Variants in HIVEP3 observed in about 807,000 individuals in gnomAD.
HIVEP3 encodes the protein transcription factor HIVEP3.
Under a neutral mutation model 152.8 loss-of-function variants are expected in HIVEP3, and 49 were observed. That is an observed-to-expected ratio of 0.32 (90% CI 0.26 to 0.41). HIVEP3 has a LOEUF of 0.41. Ranked by LOEUF, HIVEP3 falls within the 10% of genes least tolerant of loss-of-function variation. The pLI is 1.00. For synonymous variants in HIVEP3, 1,269 were observed against 1,289.0 expected (o/e 0.98, Z 0.33); for missense variants, 2,790 against 3,103.3 (o/e 0.90, Z 2.40).
chr1:41,722,147 C>T (rs1646682857), intron 1 of HIVEP3, among the ~76,000 whole-genome samples: 1 of 152,202 alleles, frequency 6.6e-6, no homozygotes, highest in African/African-American at 2.4e-5. Context: ...CTCATGCAAG[C>T]TCCTGGAACT....
At chr1:41,989,174 G>A (rs897350079) in intron 1 of HIVEP3, among the ~76,000 whole-genome samples, 6 of 152,118 alleles carry the variant, frequency 3.9e-5, no homozygotes, top group Non-Finnish European at 5.9e-5. Context: ...TAATAACAAC[G>A]TATTATACAC....
At chr1:41,714,308 G>A (rs563817979) in intron 1 of HIVEP3, among the ~76,000 whole-genome samples, 1 of 152,266 alleles carries the variant, frequency 6.6e-6, no homozygotes, top group East Asian at 1.9e-4. Context: ...GAGAAGAAGT[G>A]GAGGACGGGA....
intron 1 of HIVEP3, among the ~76,000 whole-genome samples, chr1:41,961,839 G>C (rs769067710): frequency 2.6e-5 from 4 of 152,208 alleles, no homozygotes; most frequent in Admixed American, 1.3e-4. Flanking sequence ...CTCTATCCCG[G>C]AAAATAATAT....
At chr1:41,850,367 A>C (rs1189781536) in intron 1 of HIVEP3, among the ~76,000 whole-genome samples, 1 of 152,234 alleles carries the variant, frequency 6.6e-6, no homozygotes, top group African/African-American at 2.4e-5. Flanking sequence ...TTTTATTTTA[A>C]GGTTAAGAAT....
At chr1:41,958,311 C>T (rs1314380864) in intron 1 of HIVEP3, among the ~76,000 whole-genome samples, 2 of 152,120 alleles carry the variant, frequency 1.3e-5, no homozygotes, top group East Asian at 1.9e-4. Flanking sequence ...GGTTCAGGAG[C>T]GAGACAATGC....
chr1:41,986,671 A>G (rs1490885055), intron 1 of HIVEP3, among the ~76,000 whole-genome samples: 1 of 152,054 alleles, frequency 6.6e-6, no homozygotes, highest in Non-Finnish European at 1.5e-5. Flanking sequence ...CGATCTCCTG[A>G]CCTCGTGATC....
chr1:41,686,834 A>T (rs2124100930), intron 2 of HIVEP3, among the ~76,000 whole-genome samples: 1 of 152,362 alleles, frequency 6.6e-6, no homozygotes, highest in South Asian at 2.1e-4. Context: ...GAGCAGCATG[A>T]GATTACAATA....
intron 1 of HIVEP3, among the ~76,000 whole-genome samples, chr1:41,909,405 A>G (rs1644762757): frequency 6.6e-6 from 1 of 152,144 alleles, no homozygotes; most frequent in South Asian, 2.1e-4. Flanking sequence ...CTTAATTATA[A>G]AAGATTCAAT....
intron 1 of HIVEP3, among the ~76,000 whole-genome samples, chr1:41,710,137 A>T (rs921898803): frequency 1.3e-5 from 2 of 152,134 alleles, no homozygotes; most frequent in Admixed American, 6.5e-5. Context: ...TTCTTCGTGC[A>T]TCAGCCAGGG....
intron 1 of HIVEP3, among the ~76,000 whole-genome samples, chr1:41,751,323 C>CCTTTTTTT (rs1426877286): frequency 3.9e-5 from 1 of 25,458 alleles, no homozygotes; most frequent in African/African-American, 1.0e-4. Context: ...AACTGACACA[C>CCTTTTTTT]ATTTTTTTTT....
At chr1:41,994,551 C>T (rs1645384132) in intron 1 of HIVEP3, among the ~76,000 whole-genome samples, 2 of 152,064 alleles carry the variant, frequency 1.3e-5, no homozygotes, top group South Asian at 2.1e-4. Flanking sequence ...TGTGGCATTT[C>T]CCCCATCACT....
At chr1:41,635,195 A>G (rs942372993) in intron 2 of HIVEP3, among the ~76,000 whole-genome samples, 3 of 152,190 alleles carry the variant, frequency 2.0e-5, no homozygotes, top group Admixed American at 1.3e-4. Flanking sequence ...CTTTTCTAAA[A>G]AAACTCTTGA....
At chr1:41,991,689 C>A (rs1455835000) in intron 1 of HIVEP3, among the ~76,000 whole-genome samples, 1 of 151,700 alleles carries the variant, frequency 6.6e-6, no homozygotes, top group Non-Finnish European at 1.5e-5. Context: ...GGCGGAGACA[C>A]AACCAAAAAA....
chr1:41,735,413 TAGG>T (rs1441015507), intron 1 of HIVEP3, among the ~76,000 whole-genome samples: 1 of 152,174 alleles, frequency 6.6e-6, no homozygotes, highest in Non-Finnish European at 1.5e-5. Context: ...TTGACAATTC[TAGG>T]AGGAGGGCAT....
chr1:41,754,299 C>A (rs1255375625), intron 1 of HIVEP3, among the ~76,000 whole-genome samples: 1 of 152,194 alleles, frequency 6.6e-6, no homozygotes, highest in East Asian at 1.9e-4. Context: ...TTAGAGGCAA[C>A]CCTCTGGCTT....
intron 1 of HIVEP3, among the ~76,000 whole-genome samples, chr1:41,957,191 A>C (rs888399687): frequency 6.0e-5 from 9 of 151,168 alleles, no homozygotes; most frequent in Non-Finnish European, 1.3e-4. Context: ...ACAAAAGTTA[A>C]AAGAACTGTC....
intron 1 of HIVEP3, among the ~76,000 whole-genome samples, chr1:42,026,946 T>C (rs1243523740): frequency 1.3e-5 from 2 of 152,224 alleles, no homozygotes; most frequent in African/African-American, 2.4e-5. Flanking sequence ...ATTTCTATGC[T>C]GCTTCCCTTC....
chr1:41,964,098 A>G (rs1025210209), intron 1 of HIVEP3, among the ~76,000 whole-genome samples: 1 of 152,220 alleles, frequency 6.6e-6, no homozygotes, highest in Admixed American at 6.5e-5. Flanking sequence ...TGAAGTTATT[A>G]AAGGAAAACT....
At chr1:41,940,458 T>A (rs757806857) in intron 1 of HIVEP3, among the ~76,000 whole-genome samples, 58 of 152,384 alleles carry the variant, frequency 3.8e-4, no homozygotes, top group Non-Finnish European at 2.8e-4. Context: ...TTTGCTTATT[T>A]ATTTTATGCA....
Sources: gnomAD v4.1 joint callset for allele counts (sites outside exome capture counted in the v4.1 genomes callset) on GRCh38, gnomAD v4.1.1 for gene constraint, MANE v1.5 for transcripts, NCBI Gene and HGNC (gene_info 2026-07-23, HGNC 2026-07-21) for gene names.